The following CDH13 variants were observed in gnomAD, a reference collection of about 807,000 sequenced individuals.
The protein encoded by CDH13 is cadherin-13.
Under a neutral mutation model 63.8 loss-of-function variants are expected in CDH13, and 24 were observed. That is an observed-to-expected ratio of 0.38 (90% CI 0.27 to 0.53). The LOEUF is 0.53. Among genes scored for constraint, CDH13 ranks in the 20% least tolerant of loss-of-function variants. The pLI is 0.85. For synonymous variants in CDH13, 503 were observed against 355.3 expected (o/e 1.42, Z -4.67); for missense variants, 1,049 against 903.1 (o/e 1.16, Z -2.07).
intron 1 of CDH13, among the ~76,000 whole-genome samples, chr16:82,779,559 G>A (rs1047149958): frequency 3.9e-5 from 6 of 152,156 alleles, no homozygotes; most frequent in Non-Finnish European, 8.8e-5. Flanking sequence ...GGGGCGGAGC[G>A]GGAGAAGGCA....
At chr16:83,515,114 T>G (rs375842878) in intron 7 of CDH13, among the ~76,000 whole-genome samples, 2 of 152,048 alleles carry the variant, frequency 1.3e-5, no homozygotes, top group Admixed American at 6.6e-5. Flanking sequence ...GTCTGCTGGG[T>G]TCAGGTTCTG....
Position 83,666,181 on chromosome 16 carries a change from TG to T in CDH13, c.1102-4608del, listed in dbSNP as rs1206068229. On this transcript the variant is annotated intron_variant, in intron 8 of 13. Coordinates refer to ENST00000567109, the MANE Select transcript of CDH13 (RefSeq NM_001257.5). Reference sequence around the variant, plus strand: ...GTGTGGTAAATTAATGTCTTTCTATTGTTTTTAAATCACAAAGTGAGCATTG... The same window carrying T: ...GTGTGGTAAATTAATGTCTTTCTATTTTTTTAAATCACAAAGTGAGCATTG... Among the ~76,000 whole-genome samples, 5 of 152,360 alleles carry T rather than the reference TG, an allele frequency of 3.3e-5. No individual in the cohort carries two copies. The East Asian group carries it at 9.6e-4, about 29-fold the overall frequency.
At chr16:83,517,738 A>T (rs1055445416) in intron 7 of CDH13, among the ~76,000 whole-genome samples, 1 of 152,166 alleles carries the variant, frequency 6.6e-6, no homozygotes, top group African/African-American at 2.4e-5. Flanking sequence ...GGAGAGAAAG[A>T]ATTGTTGACA....
chr16:83,675,373 C>G (rs756194504), intron 9 of CDH13, among the ~76,000 whole-genome samples: 13 of 152,168 alleles, frequency 8.5e-5, no homozygotes, highest in Non-Finnish European at 1.5e-4. Flanking sequence ...CTTCCTAAGG[C>G]CAGCCTCACA....
intron 4 of CDH13, 22 bp from the exon 5 acceptor site, chr16:83,217,323 G>A: frequency 6.2e-7 from 1 of 1,613,368 alleles, no homozygotes; most frequent in Non-Finnish European, 8.5e-7. Context: ...AGTTTTAAAT[G>A]TCTCTCTGTT....
intron 1 of CDH13, among the ~76,000 whole-genome samples, chr16:82,827,124 G>A (rs1488212098): frequency 6.6e-6 from 1 of 152,182 alleles, no homozygotes; most frequent in Non-Finnish European, 1.5e-5. Context: ...TGTTCTGCTA[G>A]TGCTAATTAT....
intron 1 of CDH13, among the ~76,000 whole-genome samples, chr16:82,739,830 GA>G (rs1037918065): frequency 1.3e-5 from 2 of 152,128 alleles, no homozygotes; most frequent in African/African-American, 4.8e-5. Context: ...TATATATTCA[GA>G]ATGCAATATT....
intron 5 of CDH13, among the ~76,000 whole-genome samples, chr16:83,273,077 G>A (rs2088874806): frequency 6.6e-6 from 1 of 152,156 alleles, no homozygotes; most frequent in South Asian, 2.1e-4. Context: ...GTGGGGGGAA[G>A]CACCACAAAG....
chr16:82,792,159 G>A lies in CDH13; in HGVS notation c.46-66203G>A, dbSNP rs372064458. On this transcript the variant is annotated intron_variant, in intron 1 of 13. Coordinates refer to ENST00000567109, the MANE Select transcript of CDH13 (RefSeq NM_001257.5). ...ATCTCTGAGCCATCCCCGGTTCCTTGACTTCATAGACTCACAATTCCAGAT... is the reference window on the plus strand; with the variant it reads ...ATCTCTGAGCCATCCCCGGTTCCTTAACTTCATAGACTCACAATTCCAGAT... Among the ~76,000 whole-genome samples, 78 of 152,148 alleles carry A rather than the reference G, an allele frequency of 5.1e-4. No homozygotes were observed. The East Asian group carries it at 0.011, about 21-fold the overall frequency.
chr16:83,556,643 G>A (rs745645508), intron 7 of CDH13, among the ~76,000 whole-genome samples: 1 of 152,058 alleles, frequency 6.6e-6, no homozygotes, highest in African/African-American at 2.4e-5. Context: ...TCTCAGTTTC[G>A]GTATTTCTCA....
rs1035408147 is a variant in CDH13, at chr16:83,590,601, G to A, written c.961-11853G>A. Among the ~76,000 whole-genome samples, 5 of 151,812 alleles carry A rather than the reference G, an allele frequency of 3.3e-5. No homozygotes were observed. In the South Asian group the frequency reaches 6.2e-4, roughly 19 times the overall value. ...GAGTCTGTTTTTTCTCGAAATGGAC[G>A]TAAAAAAAAAGAAAGTTTCAAAGAG... On this transcript the variant is annotated intron_variant, in intron 7 of 13. Coordinates refer to ENST00000567109, the MANE Select transcript of CDH13 (RefSeq NM_001257.5).
chr16:82,642,678 C>T (rs1008777415), intron 1 of CDH13, among the ~76,000 whole-genome samples: 1 of 152,156 alleles, frequency 6.6e-6, no homozygotes, highest in Non-Finnish European at 1.5e-5. Context: ...CAGTCAGATG[C>T]TTTGGGGTGG....
At chr16:83,652,046 G>T (rs948660017) in intron 8 of CDH13, among the ~76,000 whole-genome samples, 1 of 152,146 alleles carries the variant, frequency 6.6e-6, no homozygotes, top group Non-Finnish European at 1.5e-5. Flanking sequence ...ATTCCCAAGG[G>T]AACGATTCTC....
At chr16:83,426,090 A>G (rs1452399349) in intron 6 of CDH13, among the ~76,000 whole-genome samples, 1 of 152,194 alleles carries the variant, frequency 6.6e-6, no homozygotes, top group Non-Finnish European at 1.5e-5. Context: ...AGGAGAAATC[A>G]GTATTCCCAG....
intron 4 of CDH13, among the ~76,000 whole-genome samples, chr16:83,146,205 A>AAAAAAG (rs1415482720): frequency 1.3e-5 from 2 of 151,494 alleles, no homozygotes; most frequent in Non-Finnish European, 2.9e-5. Context: ...AAAAAAAAAA[A>AAAAAAG]AAAAAGAAAA....
In CDH13 at chr16:82,895,617, T is replaced by C. The variant is rs578221741; in HGVS notation, c.157+37144T>C. 6.6e-4 allele frequency among the ~76,000 whole-genome samples: 100 copies of C among 152,106 alleles called. 1 individual carries two copies. Among genetic ancestry groups the C allele is most frequent in the African/African-American group, 2.3e-3 (96 of 41,480 alleles). On this transcript the variant is annotated intron_variant, in intron 2 of 13. Coordinates refer to ENST00000567109, the MANE Select transcript of CDH13 (RefSeq NM_001257.5). ...GATAAATGACATGCATTCACCATCA[T>C]AGAAACTTTGAATTATGTGAGGTAG...
At position 83,445,289 on chromosome 16, in the gene CDH13, G is replaced by GCTTTTATAATTTATAAAAGC. The variant is rs1208438269; in HGVS notation, c.782-41188_782-41187insCTTTTATAATTTATAAAAGC. 8.8e-3 allele frequency among the ~76,000 whole-genome samples: 1,085 copies of GCTTTTATAATTTATAAAAGC among 123,742 alleles called. 31 individuals carry two copies. Among genetic ancestry groups the GCTTTTATAATTTATAAAAGC allele is most frequent in the Middle Eastern group, 0.017 (4 of 234 alleles). The allele number at this position is 123,742 out of a possible 152,430, so 81.2% of individuals were successfully genotyped here. A position where few individuals can be genotyped will look rare whatever the true frequency, so the allele number is the denominator to read the frequency against. On this transcript the variant is annotated intron_variant, in intron 6 of 13. Transcript: ENST00000567109. ...TAAAAGCTTTTATAATTTATAAAAG[G>GCTTTTATAATTTATAAAAGC]TTTTATAAATTATAAAAGGTTTGCA...
chr16:83,418,596 T>C (rs1399687013), intron 6 of CDH13, among the ~76,000 whole-genome samples: 2 of 152,196 alleles, frequency 1.3e-5, no homozygotes, highest in African/African-American at 4.8e-5. Context: ...CTTGGATCTG[T>C]ACAAACCAGG....
intron 5 of CDH13, among the ~76,000 whole-genome samples, chr16:83,266,962 G>C (rs924841560): frequency 6.6e-6 from 1 of 152,072 alleles, no homozygotes; most frequent in Non-Finnish European, 1.5e-5. Flanking sequence ...CTCATGTTCT[G>C]ATTGCAAATG....
Sources: gnomAD v4.1 joint callset for allele counts (sites outside exome capture counted in the v4.1 genomes callset) on GRCh38, gnomAD v4.1.1 for gene constraint, MANE v1.5 for transcripts, NCBI Gene and HGNC (gene_info 2026-07-23, HGNC 2026-07-21) for gene names.